The following TENM4 variants were observed in gnomAD, a reference collection of about 807,000 sequenced individuals.
TENM4 encodes the protein teneurin-4.
In TENM4, 82 loss-of-function variants were observed where a neutral mutation model predicts 243.3. The observed-to-expected ratio is 0.34, with a 90% CI of 0.28 to 0.40. TENM4 has a LOEUF of 0.40. TENM4 is among the 10% of genes least tolerant of loss of function. The pLI, the probability that TENM4 is intolerant of heterozygous loss-of-function variation, is 1.00. For synonymous variants in TENM4, 1,412 were observed against 1,456.3 expected, an observed-to-expected ratio of 0.97 and a Z score of 0.69; for missense variants, 3,138 against 3,673.3, an observed-to-expected ratio of 0.85 and a Z score of 3.77.
chr11:79,151,124 C>T (rs951805288), intron 3 of TENM4, among the ~76,000 whole-genome samples: 8 of 152,150 alleles, frequency 5.3e-5, no homozygotes, highest in Non-Finnish European at 1.2e-4. Flanking sequence ...CATTCTTCCA[C>T]GATGTCATGG....
chr11:79,402,094 C>A (rs1295953344), intron 1 of TENM4: 2 of 406,056 alleles, frequency 4.9e-6, no homozygotes, highest in East Asian at 7.1e-5. Context: ...AGATTGTAAG[C>A]TCCTTGAGGG....
chr11:78,806,669 C>A (rs1331687578), intron 14 of TENM4, among the ~76,000 whole-genome samples: 9 of 152,294 alleles, frequency 5.9e-5, no homozygotes, highest in East Asian at 3.9e-4. Context: ...GAGAGGAATT[C>A]TTTTCCTGAT....
chr11:79,161,374 A>G lies in TENM4; in HGVS notation c.-162-12568T>C, dbSNP rs541311112. Among the ~76,000 whole-genome samples the G allele has an allele frequency of 2.6e-5, 4 of 152,312 alleles. No individual in the cohort carries two copies. The East Asian group carries it at 7.7e-4, about 29-fold the overall frequency. On this transcript the variant is annotated intron_variant, in intron 3 of 33. Coordinates refer to ENST00000278550, the MANE Select transcript of TENM4 (RefSeq NM_001098816.3). ...CCTTCAAAATTCATGTCCACTGAAA[A>G]TCTCTGAATGTAATCTTATTTGGAA...
intron 4 of TENM4, among the ~76,000 whole-genome samples, chr11:79,105,864 T>A (rs1300425328): frequency 6.6e-6 from 1 of 152,246 alleles, no homozygotes; most frequent in African/African-American, 2.4e-5. Context: ...TACTTAGTAT[T>A]ATGAATTAAT....
intron 3 of TENM4, among the ~76,000 whole-genome samples, chr11:79,169,533 G>A (rs1442615950): frequency 6.6e-6 from 1 of 152,184 alleles, no homozygotes; most frequent in Admixed American, 6.5e-5. Context: ...AGTAACTCAA[G>A]CTCCCCCAGA....
At chr11:79,197,046 G>A (rs1863643095) in intron 3 of TENM4, among the ~76,000 whole-genome samples, 1 of 152,186 alleles carries the variant, frequency 6.6e-6, no homozygotes, top group South Asian at 2.1e-4. Context: ...ATGCCAGACT[G>A]GGGCCCTTTT....
chr11:79,339,987 A>G (rs1857215608), intron 1 of TENM4, among the ~76,000 whole-genome samples: 1 of 152,094 alleles, frequency 6.6e-6, no homozygotes. Context: ...CATTCAGCTG[A>G]GCTACAAAAG....
chr11:79,148,161 G>A (rs1000926463), intron 4 of TENM4, among the ~76,000 whole-genome samples: 1 of 152,054 alleles, frequency 6.6e-6, no homozygotes, highest in Non-Finnish European at 1.5e-5. Flanking sequence ...AAGTGACCAG[G>A]GTGGGAGCTG....
chr11:79,022,932 A>G (rs1406361434), intron 6 of TENM4, among the ~76,000 whole-genome samples: 1 of 152,176 alleles, frequency 6.6e-6, no homozygotes, highest in East Asian at 1.9e-4. Flanking sequence ...CCTGTAAGAC[A>G]AAGTTTAGCA....
rs866935313 is a variant in TENM4, at chr11:79,123,602, T to C, written c.-66+25108A>G. ...CTCCAGACAAACGCAGTAGCCCCTT[T>C]TTTTTTTTTTTTTATTAAGAATTTA... On this transcript the variant is annotated intron_variant, in intron 4 of 33. Transcript: ENST00000278550. 7.9e-3 allele frequency among the ~76,000 whole-genome samples: 1,173 copies of C among 148,108 alleles called. 16 individuals are homozygous for C. Among genetic ancestry groups the C allele is most frequent in the African/African-American group, 0.029 (1,119 of 38,046 alleles).
At chr11:78,994,920 G>A (rs967538783) in intron 6 of TENM4, among the ~76,000 whole-genome samples, 5 of 152,346 alleles carry the variant, frequency 3.3e-5, no homozygotes, top group African/African-American at 1.2e-4. Context: ...TGTGCAAGAA[G>A]TTGGTATTAC....
At chr11:79,152,651 A>G (rs1026181523) in intron 3 of TENM4, among the ~76,000 whole-genome samples, 3 of 152,246 alleles carry the variant, frequency 2.0e-5, no homozygotes, top group Non-Finnish European at 4.4e-5. Context: ...GCTGGGAGCC[A>G]GCTGCATTCC....
intron 1 of TENM4, among the ~76,000 whole-genome samples, chr11:79,358,782 C>T (rs1292696949): frequency 1.3e-5 from 2 of 148,344 alleles, no homozygotes; most frequent in African/African-American, 4.9e-5. Context: ...AACTTCCTAA[C>T]TTCTTAGCTT....
intron 4 of TENM4, among the ~76,000 whole-genome samples, chr11:79,134,723 G>T (rs1003108719): frequency 6.6e-6 from 1 of 152,038 alleles, no homozygotes; most frequent in Non-Finnish European, 1.5e-5. Flanking sequence ...CTTCGACAAA[G>T]CAAACAAATA....
intron 6 of TENM4, among the ~76,000 whole-genome samples, chr11:78,963,401 C>T (rs1329976288): frequency 1.3e-5 from 2 of 152,284 alleles, no homozygotes; most frequent in Non-Finnish European, 1.5e-5. Flanking sequence ...TATAAGAGAG[C>T]TAACATAAGC....
At chr11:79,402,452 C>A (rs1565331760) in intron 1 of TENM4, among the ~76,000 whole-genome samples, 1 of 152,144 alleles carries the variant, frequency 6.6e-6, no homozygotes, top group Non-Finnish European at 1.5e-5. Flanking sequence ...TTTTGCATTG[C>A]TGGAAAAAAT....
chr11:78,907,342 C>T (rs368705782), intron 6 of TENM4, among the ~76,000 whole-genome samples: 2 of 151,466 alleles, frequency 1.3e-5, no homozygotes, highest in Non-Finnish European at 2.9e-5. Context: ...TATGCACCCT[C>T]GTCTTTGGAG....
Position 78,688,097 on chromosome 11 carries a change from G to C in TENM4, c.5217C>G (p.Thr1739=). ...AGGCGCCTGAGGCAGACAGGTTGGT[G>C]GTTATGGTGACATCATCCTTGCTGG... ...ETSSKDDVTI[T]TNLSASGAFY... Residue 1739 remains threonine, a synonymous_variant, in exon 29 of 34, where the codon ACC becomes ACG. Coordinates refer to ENST00000278550, the MANE Select transcript of TENM4 (RefSeq NM_001098816.3). 1 of 1,613,884 alleles carries C rather than the reference G, an allele frequency of 6.2e-7. No homozygotes were observed. Among genetic ancestry groups the C allele is most frequent in the South Asian group, 1.1e-5 (1 of 91,066 alleles).
rs543003298 is a variant in TENM4 at position 78,658,493 on chromosome 11, T to C, written c.7875A>G (p.Ser2625=). The C allele has an allele frequency of 8.5e-5, 137 of 1,614,068 alleles. No homozygotes were observed. The East Asian group carries it at 2.3e-3, about 27-fold the overall frequency. The stretch of plus-strand genomic sequence containing the variant: ...GGCCCAGGATGGCCAGGTCACCTTC[T>C]GAAGGTCCTGGTTTCACAAAGTAAT... ...DTHYFVKPGP[S]EGDLAILGLS... Residue 2625 remains serine, a synonymous_variant, in exon 34 of 34, where the codon TCA becomes TCG. Coordinates refer to ENST00000278550, the MANE Select transcript of TENM4 (RefSeq NM_001098816.3).
Sources: allele counts gnomAD v4.1 joint callset (sites outside exome capture counted in the v4.1 genomes callset), GRCh38; gene constraint gnomAD v4.1.1; transcripts MANE v1.5; gene names NCBI Gene and HGNC (gene_info 2026-07-23, HGNC 2026-07-21).